Variants in COLGALT2 observed in about 807,000 individuals in gnomAD.
The protein encoded by COLGALT2 is procollagen galactosyltransferase 2.
A neutral mutation model predicts 73.4 loss-of-function variants in COLGALT2; 49 were observed. That is an observed-to-expected ratio of 0.67 (90% confidence interval 0.53 to 0.85). The LOEUF (loss-of-function observed/expected upper bound fraction) is 0.85. Ranked by LOEUF, COLGALT2 falls within the 40% of genes least tolerant of loss-of-function variation. COLGALT2 has a pLI of 0.00. For missense variants in COLGALT2, 722 were observed against 790.2 expected (o/e 0.91, Z 1.03); for synonymous variants, 295 against 307.6 (o/e 0.96, Z 0.43).
Position 183,936,639 on chromosome 1 carries a change from C to T in COLGALT2, c.*2122G>A. ...AAAAAAGTCATTAAAGTCATGCACA[C>T]ATGCACACACTCAAATATGAAAACA... On this transcript the variant is annotated 3_prime_UTR_variant, in exon 12 of 12. Coordinates refer to ENST00000361927, the MANE Select transcript of COLGALT2 (RefSeq NM_015101.4). The T allele has an allele frequency of 1.6e-6, 2 of 1,216,212 alleles. No individual in the cohort carries two copies. The highest frequency in any genetic ancestry group is 2.0e-6 in the Non-Finnish European group (2 of 978,848). The allele number at this position is 1,216,212 out of a possible 1,614,324, so 75.3% of individuals were successfully genotyped here. A position where few individuals can be genotyped will look rare whatever the true frequency, so the allele number is the denominator to read the frequency against.
At chr1:184,012,192 T>C (rs1387303183) in intron 1 of COLGALT2, among the ~76,000 whole-genome samples, 2 of 152,218 alleles carry the variant, frequency 1.3e-5, no homozygotes, top group African/African-American at 4.8e-5. Context: ...TGAGTAAAAA[T>C]GATTTTTCAA....
Position 183,939,051 on chromosome 1 carries a change from G to GCCGACACATGA in COLGALT2, c.1605-15_1605-14insTCATGTGTCGG. Reference sequence around the variant, plus strand: ...TTGTACTCGGCTCTGAAAACAAGAAGGTGGCCGGACACATGAGGGGGCGGA... The same window carrying GCCGACACATGA: ...TTGTACTCGGCTCTGAAAACAAGAAGCCGACACATGAGTGGCCGGACACATGAGGGGGCGGA... On this transcript the variant is annotated splice_polypyrimidine_tract_variant and intron_variant, in intron 11 of 11. Coordinates refer to ENST00000361927, the MANE Select transcript of COLGALT2 (RefSeq NM_015101.4). The GCCGACACATGA allele has an allele frequency of 6.2e-7, 1 of 1,602,948 alleles. No individual in the cohort carries two copies. The highest frequency in any genetic ancestry group is 2.2e-5 in the East Asian group (1 of 44,644).
At chr1:183,991,062 A>T (rs1328043376) in intron 1 of COLGALT2, among the ~76,000 whole-genome samples, 1 of 152,210 alleles carries the variant, frequency 6.6e-6, no homozygotes, top group Non-Finnish European at 1.5e-5. Context: ...TTCCAATTCC[A>T]TCCGCAGGTG....
chr1:183,946,233 C>G (rs949592167), intron 8 of COLGALT2: 3 of 152,260 alleles, frequency 2.0e-5, no homozygotes, highest in African/African-American at 7.2e-5. Context: ...TGAGCAACAA[C>G]TGTTTAACAT....
At chr1:184,021,364 C>CGTTGGGAG (rs1484819662) in intron 1 of COLGALT2, among the ~76,000 whole-genome samples, 1 of 152,076 alleles carries the variant, frequency 6.6e-6, no homozygotes, top group Non-Finnish European at 1.5e-5. Flanking sequence ...AATGTGGTAA[C>CGTTGGGAG]GTTGGGAGGT....
chr1:183,964,171 A>T, intron 5 of COLGALT2, 151 bp from the exon 6 acceptor site: 2 of 670,908 alleles, frequency 3.0e-6, no homozygotes. Flanking sequence ...GACCTAAAAA[A>T]TGCTCCTTTA....
intron 1 of COLGALT2, among the ~76,000 whole-genome samples, chr1:183,980,079 A>G (rs1233907861): frequency 6.6e-6 from 1 of 152,070 alleles, no homozygotes; most frequent in Non-Finnish European, 1.5e-5. Context: ...TTAATAATGA[A>G]AATACTACAT....
chr1:184,034,952 G>A lies in COLGALT2; in HGVS notation c.263+2143C>T, dbSNP rs529391682. 4.6e-5 allele frequency among the ~76,000 whole-genome samples: 7 copies of A among 152,260 alleles called. No homozygotes were observed. In the East Asian group the frequency reaches 1.4e-3, roughly 29 times the overall value. ...GCTGAAAAGAACTATTTAGAAACTG[G>A]GATTTGTATTATTGTTACCTAAAGA... On this transcript the variant is annotated intron_variant, in intron 1 of 11. Transcript: ENST00000361927.
At chr1:183,943,285 A>G (rs1670162839) in intron 10 of COLGALT2, among the ~76,000 whole-genome samples, 1 of 152,230 alleles carries the variant, frequency 6.6e-6, no homozygotes, top group Admixed American at 6.5e-5. Context: ...TGGGAGAAGC[A>G]GGGACAGCTC....
At chr1:183,930,197 G>T (rs930727457) in exon 12 of COLGALT2, 15 of 456,076 alleles carry the variant, frequency 3.3e-5, no homozygotes, top group African/African-American at 2.8e-4. Flanking sequence ...CCACAGAGGG[G>T]TAATGCCTTC....
intron 1 of COLGALT2, among the ~76,000 whole-genome samples, chr1:184,026,158 G>A (rs1389008268): frequency 1.3e-5 from 2 of 152,238 alleles, no homozygotes; most frequent in East Asian, 1.9e-4. Context: ...CACAGATAGC[G>A]TATTTGCACA....
chr1:183,935,751 C>T (rs1669934520), downstream of COLGALT2: 1 of 654,156 alleles, frequency 1.5e-6, no homozygotes, highest in African/African-American at 2.0e-5. Context: ...CTGACTCTGA[C>T]ATCCTTGGTC....
At chr1:183,957,729 A>G (rs1425342662) in intron 6 of COLGALT2, among the ~76,000 whole-genome samples, 1 of 147,198 alleles carries the variant, frequency 6.8e-6, no homozygotes, top group Non-Finnish European at 1.5e-5. Context: ...ACAGGTTGCT[A>G]GGTGTTTTCA....
rs759826232 is a variant in COLGALT2, at chr1:183,969,257, G to A, written c.832+12C>T. ...TCTCCATTGTGGCACTACAACCAAAGACAAACAGTACCTGCTTGCCTGCTG... is the reference window on the plus strand; with the variant it reads ...TCTCCATTGTGGCACTACAACCAAAAACAAACAGTACCTGCTTGCCTGCTG... On this transcript the variant is annotated intron_variant, in intron 5 of 11. Coordinates refer to ENST00000361927, the MANE Select transcript of COLGALT2 (RefSeq NM_015101.4). The A allele has an allele frequency of 3.7e-6, 6 of 1,601,218 alleles. No individual in the cohort carries two copies. Among genetic ancestry groups the A allele is most frequent in the Non-Finnish European group, 5.1e-6 (6 of 1,173,102 alleles).
At chr1:183,942,214 C>T (rs1670134813) in intron 10 of COLGALT2, among the ~76,000 whole-genome samples, 1 of 152,138 alleles carries the variant, frequency 6.6e-6, no homozygotes, top group Non-Finnish European at 1.5e-5. Flanking sequence ...TCCCAAAGTG[C>T]TGGGATTACA....
chr1:184,035,401 T>A (rs1649641983), intron 1 of COLGALT2, among the ~76,000 whole-genome samples: 1 of 152,254 alleles, frequency 6.6e-6, no homozygotes. Flanking sequence ...TATGTAAATT[T>A]TGTTTATATC....
At chr1:183,948,240 C>A (rs566697187) in intron 8 of COLGALT2, among the ~76,000 whole-genome samples, 1 of 152,020 alleles carries the variant, frequency 6.6e-6, no homozygotes, top group African/African-American at 2.4e-5. Context: ...TTTATGAAGC[C>A]AATATTATTT....
At chr1:183,930,925 C>T (rs988085783), downstream of COLGALT2, among the ~76,000 whole-genome samples, 2 of 152,186 alleles carry the variant, frequency 1.3e-5, no homozygotes, top group African/African-American at 4.8e-5. Context: ...TTATTTTAGA[C>T]TCACAATTTG....
intron 3 of COLGALT2, 113 bp downstream of exon 3, chr1:183,974,984 C>G: frequency 2.9e-6 from 2 of 700,448 alleles, no homozygotes; most frequent in Non-Finnish European, 4.8e-6. Flanking sequence ...GTGGGGGAGG[C>G]ACTGCCTAAT....
Sources: allele counts gnomAD v4.1 joint callset (sites outside exome capture counted in the v4.1 genomes callset), GRCh38; gene constraint gnomAD v4.1.1; transcripts MANE v1.5; gene names NCBI Gene and HGNC (gene_info 2026-07-23, HGNC 2026-07-21).